The following FAM185A variants were observed in gnomAD, a reference collection of about 807,000 sequenced individuals.
FAM185A encodes the protein protein FAM185A.
Under a neutral mutation model 45.7 loss-of-function variants are expected in FAM185A, and 21 were observed. That is an observed-to-expected ratio of 0.46 (90% CI 0.33 to 0.66). FAM185A has a LOEUF of 0.66. Ranked by LOEUF, FAM185A falls within the 30% of genes least tolerant of loss-of-function variation. The probability of loss-of-function intolerance (pLI) is 0.03; values close to 1 mark genes in which losing one functional copy is unlikely to be tolerated. For synonymous variants in FAM185A, 117 were observed against 194.0 expected, an observed-to-expected ratio of 0.60 and a Z score of 3.30; for missense variants, 305 against 485.4, an observed-to-expected ratio of 0.63 and a Z score of 3.49.
At chr7:102,752,712 C>T (rs1366045396) in intron 2 of FAM185A, among the ~76,000 whole-genome samples, 11 of 149,844 alleles carry the variant, frequency 7.3e-5, no homozygotes, top group Non-Finnish European at 1.5e-4. Flanking sequence ...AGGTGTGAGT[C>T]ACCATGACTG....
intron 3 of FAM185A, among the ~76,000 whole-genome samples, chr7:102,759,377 C>A (rs188108906): frequency 6.6e-6 from 1 of 152,106 alleles, no homozygotes; most frequent in East Asian, 1.9e-4. Context: ...TGCTATTATA[C>A]AATTTTATTT....
At chr7:102,812,210 G>GT (rs1190302869), downstream of FAM185A, among the ~76,000 whole-genome samples, 1 of 152,102 alleles carries the variant, frequency 6.6e-6, no homozygotes, top group Non-Finnish European at 1.5e-5. Flanking sequence ...TCAAATAATG[G>GT]TAAAAACCCA....
At chr7:102,784,575 A>T (rs1258906893) in intron 6 of FAM185A, among the ~76,000 whole-genome samples, 3 of 152,188 alleles carry the variant, frequency 2.0e-5, no homozygotes, top group Non-Finnish European at 4.4e-5. Context: ...AGAACCAACG[A>T]CAAAAACCAT....
chr7:102,818,953 A>G, the FAM185A span, among the ~76,000 whole-genome samples: 5 of 150,790 alleles, frequency 3.3e-5, no homozygotes, highest in African/African-American at 1.2e-4. Flanking sequence ...CCCTCCTCCC[A>G]CCCTCCACCC....
At chr7:102,827,543 T>A in the FAM185A span, among the ~76,000 whole-genome samples, 2 of 152,300 alleles carry the variant, frequency 1.3e-5, no homozygotes, top group South Asian at 2.1e-4. Context: ...TTTTTTTTTA[T>A]ACTTTAAGTT....
the FAM185A span, among the ~76,000 whole-genome samples, chr7:102,835,616 T>TG: frequency 3.9e-4 from 37 of 96,058 alleles, no homozygotes; most frequent in Non-Finnish European, 6.5e-4. Flanking sequence ...TTTTTTTTTT[T>TG]TTTTTTTTTT....
At chr7:102,826,253 G>A in the FAM185A span, among the ~76,000 whole-genome samples, 1 of 152,040 alleles carries the variant, frequency 6.6e-6, no homozygotes, top group African/African-American at 2.4e-5. Context: ...GCAAGAAAGG[G>A]GCTGAATAGT....
chr7:102,808,055 T>C (rs1479913876), intron 7 of FAM185A, among the ~76,000 whole-genome samples: 2 of 151,704 alleles, frequency 1.3e-5, no homozygotes, highest in Non-Finnish European at 2.9e-5. Context: ...AGTGACACTA[T>C]GTCTCAAACA....
the FAM185A span, among the ~76,000 whole-genome samples, chr7:102,817,278 G>T: frequency 6.6e-6 from 1 of 151,876 alleles, no homozygotes; most frequent in Non-Finnish European, 1.5e-5. Flanking sequence ...TTTATTTTTT[G>T]ACTTTTTAAT....
chr7:102,787,238 T>A (rs1340996686), intron 6 of FAM185A, 97 bp from the exon 7 acceptor site: 79 of 933,174 alleles, frequency 8.5e-5, no homozygotes, highest in Non-Finnish European at 1.1e-4. Flanking sequence ...AAAAACAGTG[T>A]CTCAGGAGCA....
At chr7:102,811,905 A>T (rs945377226), downstream of FAM185A, among the ~76,000 whole-genome samples, 1 of 152,196 alleles carries the variant, frequency 6.6e-6, no homozygotes, top group African/African-American at 2.4e-5. Flanking sequence ...TTGCAAGTCA[A>T]CCTCAGTGGG....
chr7:102,807,438 G>C (rs1003783006), intron 7 of FAM185A, among the ~76,000 whole-genome samples: 1 of 151,982 alleles, frequency 6.6e-6, no homozygotes, highest in Non-Finnish European at 1.5e-5. Context: ...TCCAAATCCA[G>C]AATCTGAAAT....
At position 102,764,004 on chromosome 7, in the gene FAM185A, T is replaced by C. The variant is rs543475308; in HGVS notation, c.793+2593T>C. 2.6e-5 allele frequency among the ~76,000 whole-genome samples: 4 copies of C among 152,324 alleles called. No individual in the cohort carries two copies. In the East Asian group the frequency reaches 7.7e-4, roughly 29 times the overall value. On this transcript the variant is annotated intron_variant, in intron 4 of 7. Transcript: ENST00000413034. ...TTCCCACCTCATTTCCAGTGGTCCA[T>C]TATCACCCTGCCTCAATGCAAAGAA...
chr7:102,804,397 A>G (rs1235044120), intron 7 of FAM185A, among the ~76,000 whole-genome samples: 2 of 152,256 alleles, frequency 1.3e-5, no homozygotes, highest in African/African-American at 2.4e-5. Flanking sequence ...CAGCCAACTG[A>G]TCTTCGAGAA....
At chr7:102,791,346 T>C (rs891093779) in intron 7 of FAM185A, among the ~76,000 whole-genome samples, 1 of 152,102 alleles carries the variant, frequency 6.6e-6, no homozygotes, top group African/African-American at 2.4e-5. Flanking sequence ...GCAGAAGGAG[T>C]ACAGGGGCCT....
intron 3 of FAM185A, among the ~76,000 whole-genome samples, chr7:102,759,510 A>G (rs1793983265): frequency 6.6e-6 from 1 of 152,098 alleles, no homozygotes; most frequent in East Asian, 1.9e-4. Flanking sequence ...ACATAAAATA[A>G]ATACTTGTGA....
Position 102,772,444 on chromosome 7 carries a change from A to T in FAM185A, c.829A>T (p.Thr277Ser). The part of the protein sequence containing the change: ...ITLQSKMGNI[T>S]VDSSSGCLKA... ...ATTACAAAGCAAGATGGGTAACATCACAGTAGGTATGTGCTAAGCTACTAG... is the reference window on the plus strand; with the variant it reads ...ATTACAAAGCAAGATGGGTAACATCTCAGTAGGTATGTGCTAAGCTACTAG... Residue 277 changes from threonine (T) to serine (S), a missense_variant, in exon 5 of 8, where the codon ACA becomes TCA. Physicochemically the swap from Thr to Ser is moderately conservative, Grantham distance 58. Transcript: ENST00000413034. 1.3e-6 allele frequency: 2 copies of T among 1,545,152 alleles called. No homozygotes were observed. The highest frequency in any genetic ancestry group is 1.7e-6 in the Non-Finnish European group (2 of 1,144,418).
At chr7:102,750,761 C>T (rs1051249563) in intron 1 of FAM185A, among the ~76,000 whole-genome samples, 4 of 152,036 alleles carry the variant, frequency 2.6e-5, no homozygotes, top group African/African-American at 9.7e-5. Flanking sequence ...TAAATATCAG[C>T]GTTTTTAATT....
chr7:102,771,142 A>T (rs770491826), intron 4 of FAM185A, among the ~76,000 whole-genome samples: 16 of 152,134 alleles, frequency 1.1e-4, no homozygotes, highest in Non-Finnish European at 1.9e-4. Flanking sequence ...CTTACCTATA[A>T]GTGGGGGGTA....
Sources: gnomAD v4.1 joint callset for allele counts (sites outside exome capture counted in the v4.1 genomes callset) on GRCh38, gnomAD v4.1.1 for gene constraint, MANE v1.5 for transcripts, NCBI Gene and HGNC (gene_info 2026-07-23, HGNC 2026-07-21) for gene names.